The following CSMD1 variants were observed in gnomAD, a reference collection of about 807,000 sequenced individuals.
CSMD1 encodes the protein CUB and Sushi multiple domains 1.
CSMD1 carries 213 observed loss-of-function variants against 417.5 expected under a neutral mutation model. The observed-to-expected ratio is 0.51, with a 90% CI of 0.46 to 0.57. CSMD1 has a LOEUF of 0.57. Among genes scored for constraint, CSMD1 ranks in the 20% least tolerant of loss-of-function variants. CSMD1 has a pLI of 0.00. For missense variants in CSMD1, 6,923 were observed against 4,529.7 expected, an observed-to-expected ratio of 1.53 and a Z score of -15.17; for synonymous variants, 2,862 against 1,736.8, an observed-to-expected ratio of 1.65 and a Z score of -16.11.
chr8:4,492,991 G>A (rs12545504), intron 2 of CSMD1, among the ~76,000 whole-genome samples: 61,810 of 152,054 alleles, frequency 0.41, 14,892 homozygotes, highest in Non-Finnish European at 0.53. Flanking sequence ...ACCCAATTCC[G>A]ATCTGAAGAT....
At position 3,259,828 on chromosome 8, in the gene CSMD1, G is replaced by C. The variant is rs1401174589; in HGVS notation, c.4153+24316C>G. Among the ~76,000 whole-genome samples, 5 of 149,788 alleles carry C rather than the reference G, an allele frequency of 3.3e-5. No individual in the cohort carries two copies. The East Asian group carries it at 7.8e-4, about 23-fold the overall frequency. Reference sequence around the variant, plus strand: ...GTATTGTAGCTTGAAAGCTAAGAATGGTTTTACATTTTTTAAATGGTTAAA... The same window carrying C: ...GTATTGTAGCTTGAAAGCTAAGAATCGTTTTACATTTTTTAAATGGTTAAA... On this transcript the variant is annotated intron_variant, in intron 26 of 69. Coordinates refer to ENST00000635120, the MANE Select transcript of CSMD1 (RefSeq NM_033225.6).
intron 8 of CSMD1, among the ~76,000 whole-genome samples, chr8:3,587,942 A>C (rs546378234): frequency 1.3e-3 from 194 of 152,248 alleles, no homozygotes; most frequent in Non-Finnish European, 2.5e-3. Flanking sequence ...TGAAAAATAC[A>C]AAAAAACAAA....
intron 52 of CSMD1, among the ~76,000 whole-genome samples, chr8:3,012,747 G>A (rs1164394077): frequency 6.6e-6 from 1 of 152,188 alleles, no homozygotes; most frequent in African/African-American, 2.4e-5. Context: ...GAAAGGGGAT[G>A]TGGGGATTTT....
At chr8:3,078,452 C>T (rs991873337) in intron 49 of CSMD1, among the ~76,000 whole-genome samples, 4 of 152,154 alleles carry the variant, frequency 2.6e-5, no homozygotes, top group African/African-American at 7.2e-5. Context: ...AAATGCCTGA[C>T]ATATAATTTG....
At chr8:4,554,279 G>A (rs956745189) in intron 2 of CSMD1, among the ~76,000 whole-genome samples, 2 of 152,036 alleles carry the variant, frequency 1.3e-5, no homozygotes, top group East Asian at 1.9e-4. Context: ...TGAGACTACA[G>A]GCATGCGTCA....
chr8:4,292,135 G>C (rs908073222), intron 3 of CSMD1, among the ~76,000 whole-genome samples: 1 of 152,138 alleles, frequency 6.6e-6, no homozygotes, highest in Non-Finnish European at 1.5e-5. Flanking sequence ...CAACAACAAA[G>C]AAATATGAAA....
intron 11 of CSMD1, among the ~76,000 whole-genome samples, chr8:3,489,359 G>C (rs543027378): frequency 1.3e-5 from 2 of 152,150 alleles, no homozygotes; most frequent in East Asian, 1.9e-4. Context: ...TTCTCATAGA[G>C]GGACGGGCAT....
At chr8:4,771,454 C>T (rs1235085537) in intron 1 of CSMD1, among the ~76,000 whole-genome samples, 2 of 152,200 alleles carry the variant, frequency 1.3e-5, no homozygotes, top group African/African-American at 4.8e-5. Context: ...ACTTTAAATA[C>T]ACATCCTCCG....
At chr8:3,292,620 G>A (rs1203652068) in intron 25 of CSMD1, among the ~76,000 whole-genome samples, 1 of 152,128 alleles carries the variant, frequency 6.6e-6, no homozygotes, top group African/African-American at 2.4e-5. Context: ...TTGGTTTAAA[G>A]TCTGTTTTAT....
At chr8:4,518,604 C>T (rs561315118) in intron 2 of CSMD1, among the ~76,000 whole-genome samples, 331 of 130,722 alleles carry the variant, frequency 2.5e-3, no homozygotes, top group African/African-American at 3.0e-3. Context: ...CATCACACAC[C>T]GGGGACTGCT....
chr8:4,020,431 A>G (rs1585145255), intron 4 of CSMD1, among the ~76,000 whole-genome samples: 1 of 152,154 alleles, frequency 6.6e-6, no homozygotes, highest in Admixed American at 6.5e-5. Context: ...TACTTTTTCT[A>G]TGCTCTATTG....
At chr8:3,915,992 T>A (rs1344040592) in intron 5 of CSMD1, among the ~76,000 whole-genome samples, 1 of 151,564 alleles carries the variant, frequency 6.6e-6, no homozygotes, top group Non-Finnish European at 1.5e-5. Flanking sequence ...TTCATAAGAT[T>A]GATATAATGC....
At chr8:3,476,643 T>C (rs1018877627) in intron 11 of CSMD1, among the ~76,000 whole-genome samples, 4 of 152,078 alleles carry the variant, frequency 2.6e-5, no homozygotes, top group African/African-American at 4.8e-5. Context: ...TCAGCCAGGC[T>C]TGGTGGCTTA....
chr8:4,598,495 C>A (rs1377017751), intron 2 of CSMD1, among the ~76,000 whole-genome samples: 1 of 152,140 alleles, frequency 6.6e-6, no homozygotes, highest in Non-Finnish European at 1.5e-5. Context: ...CCACAGAATA[C>A]CAAACTCCAG....
At chr8:3,975,241 C>T (rs1049702836) in intron 5 of CSMD1, among the ~76,000 whole-genome samples, 6 of 152,108 alleles carry the variant, frequency 3.9e-5, no homozygotes, top group African/African-American at 1.4e-4. Context: ...CCATTACTTG[C>T]TTCGTTATTT....
At chr8:4,706,164 C>A (rs572123548) in intron 1 of CSMD1, among the ~76,000 whole-genome samples, 1 of 150,666 alleles carries the variant, frequency 6.6e-6, no homozygotes, top group Non-Finnish European at 1.5e-5. Context: ...TATTTATATA[C>A]TGTACATATA....
At chr8:3,864,663 A>G (rs1198205039) in intron 5 of CSMD1, among the ~76,000 whole-genome samples, 1 of 152,030 alleles carries the variant, frequency 6.6e-6, no homozygotes, top group African/African-American at 2.4e-5. Context: ...GTTCCCCTGA[A>G]GAAGACACTT....
chr8:3,799,907 A>C (rs1408536563), intron 5 of CSMD1, among the ~76,000 whole-genome samples: 1 of 152,202 alleles, frequency 6.6e-6, no homozygotes, highest in Non-Finnish European at 1.5e-5. Context: ...TGAAAAATTA[A>C]TGCAACTTTC....
chr8:3,518,116 C>T (rs1194932788), intron 10 of CSMD1, among the ~76,000 whole-genome samples: 1 of 151,104 alleles, frequency 6.6e-6, no homozygotes, highest in Non-Finnish European at 1.5e-5. Flanking sequence ...ATTATAACTA[C>T]AAAACAATAT....
Sources: allele counts gnomAD v4.1 joint callset (sites outside exome capture counted in the v4.1 genomes callset), GRCh38; gene constraint gnomAD v4.1.1; transcripts MANE v1.5; gene names NCBI Gene and HGNC (gene_info 2026-07-23, HGNC 2026-07-21).